N4BP2L2: variants seen among roughly 807,000 people sequenced by gnomAD.
N4BP2L2 encodes the protein NEDD4 binding protein 2 like 2.
A neutral mutation model predicts 56.2 loss-of-function variants in N4BP2L2; 50 were observed. That is an observed-to-expected ratio of 0.89 (90% CI 0.71 to 1.13). The LOEUF is 1.13. Ranked by LOEUF, N4BP2L2 falls within the 50% of genes most tolerant of loss-of-function variation. The pLI, the probability that N4BP2L2 is intolerant of heterozygous loss-of-function variation, is 0.00. For missense variants in N4BP2L2, 689 were observed against 693.8 expected, an observed-to-expected ratio of 0.99 and a Z score of 0.08; for synonymous variants, 203 against 223.6, an observed-to-expected ratio of 0.91 and a Z score of 0.82.
chr13:32,480,608 A>G (rs1203804170), intron 6 of N4BP2L2: 1 of 1,287,702 alleles, frequency 7.8e-7, no homozygotes, highest in Non-Finnish European at 1.0e-6. Flanking sequence ...CTGTCTTACT[A>G]GGAAACATTT....
chr13:32,504,368 C>T (rs2090564274), intron 6 of N4BP2L2: 1 of 152,156 alleles, frequency 6.6e-6, no homozygotes, highest in African/African-American at 2.4e-5. Flanking sequence ...TCTTCTCAGG[C>T]CTCCCTCCTC....
At chr13:32,523,586 G>A (rs1445620070) in intron 3 of N4BP2L2, 1 of 151,090 alleles carries the variant, frequency 6.6e-6, no homozygotes, top group Admixed American at 6.6e-5. Context: ...TTGGGAGGCT[G>A]AGCAAGAGAA....
chr13:32,480,764 G>A, intron 6 of N4BP2L2: 3 of 467,352 alleles, frequency 6.4e-6, no homozygotes, highest in Non-Finnish European at 7.1e-6. Context: ...AACTCATAGA[G>A]TGTGATTTCT....
chr13:32,447,894 T>C (rs929261124), intron 6 of N4BP2L2, among the ~76,000 whole-genome samples: 7 of 152,196 alleles, frequency 4.6e-5, no homozygotes, highest in Non-Finnish European at 8.8e-5. Context: ...CACTGGACCA[T>C]GAAAGAATAA....
chr13:32,518,097 A>G, intron 5 of N4BP2L2, 94 bp from the exon 6 acceptor site: 1 of 1,125,620 alleles, frequency 8.9e-7, no homozygotes, highest in Non-Finnish European at 1.2e-6. Context: ...AATTCTAAAT[A>G]ATATTTTGTA....
rs117983127 is a variant in N4BP2L2 at position 32,519,289 on chromosome 13, C to T, written c.1551-1286G>A. ...TAGCTGGGCATGGTGGTGGTGCACA[C>T]TTGTAGTCCCAGTTACTCCCAAGGT... On this transcript the variant is annotated intron_variant, in intron 5 of 5. Coordinates refer to ENST00000267068, the Ensembl canonical transcript of N4BP2L2. Among the ~76,000 whole-genome samples the T allele has an allele frequency of 8.8e-4, 134 of 151,466 alleles. 3 individuals carry two copies. The East Asian group carries it at 0.014, about 16-fold the overall frequency.
Position 32,459,062 on chromosome 13 carries a change from A to T in N4BP2L2, c.366-14936T>A, listed in dbSNP as rs189169687. Among the ~76,000 whole-genome samples, 162 of 152,308 alleles carry T rather than the reference A, an allele frequency of 1.1e-3. 2 individuals carry two copies. Among genetic ancestry groups the T allele is most frequent in the Middle Eastern group, 3.4e-3 (1 of 294 alleles). On this transcript the variant is annotated intron_variant, in intron 6 of 9. Coordinates refer to the N4BP2L2 transcript ENST00000357505. ...CAACCTTTGGGTCAACAAAATTAAG[A>T]TGCCAATCAAAAAATTTCTTGAAAC... is the stretch of plus-strand genomic sequence containing the variant.
At chr13:32,446,578 C>A in intron 6 of N4BP2L2, 1 of 1,227,982 alleles carries the variant, frequency 8.1e-7, no homozygotes, top group Non-Finnish European at 1.1e-6. Flanking sequence ...AGACTCACTG[C>A]AGCACTGGTG....
chr13:32,434,853 GCTCTGTGAGAAGACCCGA>G (rs1177126293), intron 9 of N4BP2L2, among the ~76,000 whole-genome samples: 1 of 152,176 alleles, frequency 6.6e-6, no homozygotes, highest in Admixed American at 6.5e-5. Context: ...AGGGCAGAAT[GCTCTGTGAGAAGACCCGA>G]CAGTTTAGGA....
At chr13:32,493,419 C>T (rs977969960) in intron 6 of N4BP2L2, among the ~76,000 whole-genome samples, 1 of 152,118 alleles carries the variant, frequency 6.6e-6, no homozygotes, top group Non-Finnish European at 1.5e-5. Context: ...ATTTACAGTA[C>T]ATTCATGGTT....
chr13:32,449,531 G>C (rs980649879), intron 6 of N4BP2L2, among the ~76,000 whole-genome samples: 4 of 152,032 alleles, frequency 2.6e-5, no homozygotes, highest in Admixed American at 6.6e-5. Context: ...ATAAAAACAT[G>C]TATTTTAAGT....
At chr13:32,477,272 T>C in intron 6 of N4BP2L2, 1 of 264,286 alleles carries the variant, frequency 3.8e-6, no homozygotes, top group East Asian at 8.6e-5. Context: ...TTTACATCAA[T>C]GACCCCCTTA....
intron 6 of N4BP2L2, among the ~76,000 whole-genome samples, chr13:32,490,662 T>C (rs1250071316): frequency 6.6e-6 from 1 of 152,066 alleles, no homozygotes; most frequent in Admixed American, 6.5e-5. Flanking sequence ...CCCAACCTTT[T>C]TGGGGGTGGT....
intron 2 of N4BP2L2, among the ~76,000 whole-genome samples, chr13:32,531,886 T>C (rs2054906936): frequency 6.6e-6 from 1 of 151,616 alleles, no homozygotes; most frequent in African/African-American, 2.4e-5. Context: ...CTACAGAATA[T>C]GTTTCCTTGC....
chr13:32,436,267 C>T (rs529244950), intron 9 of N4BP2L2: 71 of 537,870 alleles, frequency 1.3e-4, no homozygotes, highest in South Asian at 2.4e-4. Flanking sequence ...ACTCTCCAGT[C>T]GTGCTATAAT....
intron 6 of N4BP2L2, among the ~76,000 whole-genome samples, chr13:32,455,390 T>A (rs900017402): frequency 5.9e-5 from 9 of 152,068 alleles, no homozygotes; most frequent in African/African-American, 2.2e-4. Flanking sequence ...AGCAACCCCA[T>A]TCTCCCAGCA....
chr13:32,476,443 G>A (rs1377677044), intron 6 of N4BP2L2, among the ~76,000 whole-genome samples: 2 of 152,086 alleles, frequency 1.3e-5, no homozygotes, highest in Admixed American at 6.5e-5. Context: ...ATTAGGGTAG[G>A]GAACATCACA....
chr13:32,535,896 T>C, exon 2 of N4BP2L2: 2 of 1,614,144 alleles, frequency 1.2e-6, no homozygotes, highest in Non-Finnish European at 1.7e-6. Context: ...TGCTTGTCCA[T>C]ACAATGATCT....
intron 3 of N4BP2L2, chr13:32,525,154 C>T (rs946866806): frequency 6.6e-6 from 1 of 152,180 alleles, no homozygotes; most frequent in African/African-American, 2.4e-5. Flanking sequence ...TCTATTCATT[C>T]AACTTATCAA....
Sources: gnomAD v4.1 joint callset for allele counts (sites outside exome capture counted in the v4.1 genomes callset) on GRCh38, gnomAD v4.1.1 for gene constraint, MANE v1.5 for transcripts, NCBI Gene and HGNC (gene_info 2026-07-23, HGNC 2026-07-21) for gene names.